The following PCDH15 variants were observed in gnomAD, a reference collection of about 807,000 sequenced individuals.
The protein encoded by PCDH15 is protocadherin related 15, also known as protocadherin-15.
Under a neutral mutation model 178.5 loss-of-function variants are expected in PCDH15, and 129 were observed. The observed-to-expected ratio is 0.72, with a 90% CI of 0.63 to 0.84. The LOEUF is 0.84. Among genes scored for constraint, PCDH15 ranks in the 40% least tolerant of loss-of-function variants. The probability of loss-of-function intolerance (pLI) is 0.00; values close to 1 mark genes in which losing one functional copy is unlikely to be tolerated. For missense variants in PCDH15, 2,230 were observed against 2,099.9 expected, an observed-to-expected ratio of 1.06 and a Z score of -1.21; for synonymous variants, 800 against 732.0, an observed-to-expected ratio of 1.09 and a Z score of -1.50.
chr10:54,553,075 A>C (rs957868384), intron 2 of PCDH15, among the ~76,000 whole-genome samples: 1 of 152,186 alleles, frequency 6.6e-6, no homozygotes, highest in African/African-American at 2.4e-5. Flanking sequence ...CCAGACTCCA[A>C]AGCTCCATAA....
chr10:54,006,478 A>G (rs796664679), intron 20 of PCDH15, among the ~76,000 whole-genome samples: 2 of 152,276 alleles, frequency 1.3e-5, no homozygotes, highest in African/African-American at 2.4e-5. Context: ...CCTCCATACA[A>G]TAGGTATGCT....
chr10:54,586,794 G>A (rs528500595), intron 2 of PCDH15, among the ~76,000 whole-genome samples: 6 of 152,148 alleles, frequency 3.9e-5, no homozygotes, highest in Non-Finnish European at 5.9e-5. Flanking sequence ...ACACCTGGAC[G>A]GATGTGCCAT....
rs370047434 is a variant in PCDH15 at position 54,838,469 on chromosome 10, C to A, written c.-29+58981G>T. Among the ~76,000 whole-genome samples the A allele has an allele frequency of 1.4e-4, 22 of 152,262 alleles. No homozygotes were observed. The East Asian group carries it at 3.7e-3, about 25-fold the overall frequency. ...GCCATGATTGTAAATTTTCTGAAGC[C>A]TCCCCAGCAATGGAGAACTGTGAGT... On this transcript the variant is annotated intron_variant, in intron 3 of 5. Transcript: ENST00000458638.
rs11003867 is a variant in PCDH15 at position 53,817,850 on chromosome 10, G to T, written c.4452+145C>A. On this transcript the variant is annotated intron_variant, in intron 34 of 37. Transcript: ENST00000644397. The stretch of plus-strand genomic sequence containing the variant: ...AAACAGGGAAGCAACATATATAAAA[G>T]AAAATAAATAGCATAACATACTAAT... The T allele has an allele frequency of 4.3e-3, 1,666 of 389,950 alleles. 18 individuals are homozygous for T. Among genetic ancestry groups the T allele is most frequent in the African/African-American group, 0.026 (1,252 of 48,444 alleles). 24.2% of individuals were successfully genotyped at this position (389,950 alleles called of 1,614,324 possible). A position where few individuals can be genotyped will look rare whatever the true frequency, so the allele number is the denominator to read the frequency against.
intron 15 of PCDH15, among the ~76,000 whole-genome samples, chr10:54,131,919 T>C (rs2133046953): frequency 6.6e-6 from 1 of 152,302 alleles, no homozygotes; most frequent in Non-Finnish European, 1.5e-5. Flanking sequence ...TGACAGGGTG[T>C]TAATATTCGA....
At chr10:55,011,816 T>C (rs1212063003) in intron 2 of PCDH15, among the ~76,000 whole-genome samples, 1 of 151,978 alleles carries the variant, frequency 6.6e-6, no homozygotes, top group East Asian at 1.9e-4. Flanking sequence ...AAGAAAATGA[T>C]GAAAAGTCAT....
In PCDH15 at chr10:54,170,720, C is replaced by T. The variant is rs1393899370; in HGVS notation, c.1590+12724G>A. Among the ~76,000 whole-genome samples the T allele has an allele frequency of 2.0e-5, 3 of 151,984 alleles. No individual in the cohort carries two copies. The East Asian group carries it at 5.8e-4, about 29-fold the overall frequency. On this transcript the variant is annotated intron_variant, in intron 13 of 37. Coordinates refer to ENST00000644397, the MANE Select transcript of PCDH15 (RefSeq NM_001384140.1). ...AATTTCCTTCTTTCCTGTTCCTCAC[C>T]CTGATCACGCTTGATTTATTGATGG...
At chr10:55,377,088 T>A (rs2131996192) in intron 2 of PCDH15, among the ~76,000 whole-genome samples, 1 of 151,320 alleles carries the variant, frequency 6.6e-6, no homozygotes, top group African/African-American at 2.4e-5. Flanking sequence ...ATTGGGCAAT[T>A]GTGCCAGGGC....
intron 26 of PCDH15, among the ~76,000 whole-genome samples, chr10:53,870,969 C>CT (rs2079801005): frequency 6.6e-6 from 1 of 152,024 alleles, no homozygotes; most frequent in Non-Finnish European, 1.5e-5. Context: ...TTTAAACTTA[C>CT]TTTTTTGCTT....
Position 54,757,288 on chromosome 10 carries a change from T to TAGAAAACTACTTCA in PCDH15, c.-29+43636_-29+43637insTGAAGTAGTTTTCT, listed in dbSNP as rs1307888333. Among the ~76,000 whole-genome samples the TAGAAAACTACTTCA allele has an allele frequency of 2.2e-4, 14 of 64,844 alleles. 1 individual carries two copies. The highest frequency in any genetic ancestry group is 3.6e-4 in the Non-Finnish European group (11 of 30,780). The allele number at this position is 64,844 out of a possible 152,430, so 42.5% of individuals were successfully genotyped here. ...CTCAGAATTCTACCTTTTTTTTTTTTTTTTTTTTTTTTGAGACGGAGTTTC... is the reference window on the plus strand; with the variant it reads ...CTCAGAATTCTACCTTTTTTTTTTTTAGAAAACTACTTCATTTTTTTTTTTTGAGACGGAGTTTC... On this transcript the variant is annotated intron_variant, in intron 1 of 37. Transcript: ENST00000644397.
At chr10:55,525,664 A>G (rs1841288040) in intron 2 of PCDH15, among the ~76,000 whole-genome samples, 1 of 151,940 alleles carries the variant, frequency 6.6e-6, no homozygotes, top group African/African-American at 2.4e-5. Flanking sequence ...TAAACTTCCA[A>G]AACCCAAAGA....
At chr10:53,944,831 G>A (rs980042079) in intron 23 of PCDH15, among the ~76,000 whole-genome samples, 1 of 152,162 alleles carries the variant, frequency 6.6e-6, no homozygotes. Context: ...GTGGTTTCAT[G>A]TTTTCATAAT....
At chr10:54,051,886 T>C (rs1012660027) in intron 18 of PCDH15, among the ~76,000 whole-genome samples, 13 of 152,144 alleles carry the variant, frequency 8.5e-5, no homozygotes, top group African/African-American at 3.1e-4. Flanking sequence ...GTTCCCCATG[T>C]TCTGCCTGCT....
chr10:54,819,992 C>A (rs138435507), intron 3 of PCDH15, among the ~76,000 whole-genome samples: 220 of 126,708 alleles, frequency 1.7e-3, no homozygotes, highest in African/African-American at 6.2e-3. Context: ...GTAGTATCAA[C>A]TGCTGTCAAA....
At chr10:53,839,918 TAAGA>T (rs968338311) in intron 29 of PCDH15, among the ~76,000 whole-genome samples, 15 of 152,212 alleles carry the variant, frequency 9.9e-5, no homozygotes, top group Admixed American at 8.5e-4. Context: ...AGTAGACCTG[TAAGA>T]AAGGTGGATT....
intron 1 of PCDH15, among the ~76,000 whole-genome samples, chr10:54,712,033 A>G (rs1396114220): frequency 1.3e-5 from 2 of 151,934 alleles, no homozygotes; most frequent in African/African-American, 4.8e-5. Context: ...ATTCTGAAAT[A>G]CTTACAGGTA....
chr10:54,624,723 T>C (rs1316248589), intron 2 of PCDH15, among the ~76,000 whole-genome samples: 1 of 152,176 alleles, frequency 6.6e-6, no homozygotes, highest in Non-Finnish European at 1.5e-5. Context: ...TTGCCTGAGC[T>C]CTACCTCCTG....
At chr10:55,269,625 C>A (rs1474068196) in intron 1 of PCDH15, among the ~76,000 whole-genome samples, 3 of 151,806 alleles carry the variant, frequency 2.0e-5, no homozygotes, top group Non-Finnish European at 4.4e-5. Flanking sequence ...CTGAAAAAAA[C>A]CACAGACAAA....
chr10:55,482,907 A>T (rs1472643122), intron 2 of PCDH15, among the ~76,000 whole-genome samples: 1 of 151,718 alleles, frequency 6.6e-6, no homozygotes, highest in African/African-American at 2.4e-5. Flanking sequence ...ATAGCCTTAA[A>T]TATGTTTTCC....
Sources: allele counts gnomAD v4.1 joint callset (sites outside exome capture counted in the v4.1 genomes callset), GRCh38; gene constraint gnomAD v4.1.1; transcripts MANE v1.5; gene names NCBI Gene and HGNC (gene_info 2026-07-23, HGNC 2026-07-21).